The following LAMA3 variants were observed in gnomAD, a reference collection of about 807,000 sequenced individuals.
LAMA3 encodes laminin subunit alpha-3.
In LAMA3, 281 loss-of-function variants were observed where a neutral mutation model predicts 402.0. The observed-to-expected ratio is 0.70, with a 90% CI of 0.63 to 0.77. The LOEUF (loss-of-function observed/expected upper bound fraction) is 0.77. Ranked by LOEUF, LAMA3 falls within the 30% of genes least tolerant of loss-of-function variation. The probability of loss-of-function intolerance (pLI) is 0.00; values close to 1 mark genes in which losing one functional copy is unlikely to be tolerated. For synonymous variants in LAMA3, 1,431 were observed against 1,558.4 expected (o/e 0.92, Z 1.93); for missense variants, 3,840 against 4,215.5 (o/e 0.91, Z 2.47).
intron 61 of LAMA3, 37 bp downstream of exon 61, chr18:23,921,091 T>C (rs752500932): frequency 6.2e-7 from 1 of 1,610,360 alleles, no homozygotes; most frequent in South Asian, 1.1e-5. Context: ...AATCGTTAAA[T>C]GTCCTTAGTC....
chr18:23,837,797 CT>C (rs2063617367), intron 25 of LAMA3, among the ~76,000 whole-genome samples: 1 of 151,978 alleles, frequency 6.6e-6, no homozygotes, highest in East Asian at 1.9e-4. Context: ...ACTGCTGATA[CT>C]ACGCATGCAT....
intron 23 of LAMA3, among the ~76,000 whole-genome samples, chr18:23,833,201 T>G (rs1398744550): frequency 2.0e-5 from 3 of 152,210 alleles, no homozygotes; most frequent in Admixed American, 6.5e-5. Context: ...TCTGTCATCA[T>G]AGCACAAAGA....
At chr18:23,863,452 C>T (rs2064275429) in intron 35 of LAMA3, among the ~76,000 whole-genome samples, 3 of 151,950 alleles carry the variant, frequency 2.0e-5, no homozygotes, top group Admixed American at 1.3e-4. Flanking sequence ...CTCAACAAAA[C>T]AAAACAAAAA....
chr18:23,770,747 C>T (rs1395935201), intron 8 of LAMA3, among the ~76,000 whole-genome samples: 2 of 151,962 alleles, frequency 1.3e-5, no homozygotes, highest in African/African-American at 2.4e-5. Context: ...GGCGACAGAG[C>T]GAGACTCTGT....
intron 18 of LAMA3, among the ~76,000 whole-genome samples, chr18:23,817,448 A>G (rs2063198079): frequency 6.6e-6 from 1 of 152,174 alleles, no homozygotes; most frequent in Non-Finnish European, 1.5e-5. Context: ...TTTGAATTCT[A>G]AAAGTCAGAG....
In LAMA3 at chr18:23,872,854, G is replaced by A. The variant is rs2064568776; in HGVS notation, c.4998+1193G>A. On this transcript the variant is annotated intron_variant, in intron 38 of 74. Transcript: ENST00000313654. ...CACCTCACAGGAATTACAGAGCGGT[G>A]CGCTTACCTGCGGGACTGTTATGTG... 4.8e-6 allele frequency: 3 copies of A among 629,180 alleles called. No individual in the cohort carries two copies. The East Asian group carries it at 8.4e-5, about 18-fold the overall frequency. 39.0% of individuals were successfully genotyped at this position (629,180 alleles called of 1,614,324 possible).
intron 1 of LAMA3, among the ~76,000 whole-genome samples, chr18:23,711,920 G>T (rs540333025): frequency 3.4e-4 from 52 of 152,252 alleles, no homozygotes; most frequent in African/African-American, 1.2e-3. Flanking sequence ...TTCCCATTTT[G>T]GGGAGAGATT....
chr18:23,903,823 A>G (rs2081151629), intron 49 of LAMA3, 110 bp from the exon 50 acceptor site: 2 of 895,938 alleles, frequency 2.2e-6, no homozygotes, highest in South Asian at 1.4e-5. Context: ...TAGAAAATAT[A>G]ACATCTCATT....
intron 60 of LAMA3, among the ~76,000 whole-genome samples, chr18:23,917,270 T>C (rs2081665270): frequency 6.6e-6 from 1 of 152,184 alleles, no homozygotes; most frequent in Non-Finnish European, 1.5e-5. Flanking sequence ...CAGTTTACCA[T>C]TTATGGGCAT....
chr18:23,944,860 C>A (rs144113841), intron 69 of LAMA3, among the ~76,000 whole-genome samples: 29 of 152,334 alleles, frequency 1.9e-4, no homozygotes, highest in African/African-American at 6.7e-4. Context: ...CTTGGCCAGG[C>A]GCGGTGGCTC....
At chr18:23,710,283 GC>G in intron 1 of LAMA3, 1 of 525,418 alleles carries the variant, frequency 1.9e-6, no homozygotes, top group Non-Finnish European at 3.4e-6. Context: ...CGCCTTCGGC[GC>G]CATCTTGTGA....
intron 1 of LAMA3, among the ~76,000 whole-genome samples, chr18:23,696,260 A>G (rs1054986927): frequency 2.0e-5 from 3 of 152,224 alleles, no homozygotes; most frequent in African/African-American, 7.2e-5. Flanking sequence ...AGGACTTAGC[A>G]TTTACTGTAT....
intron 2 of LAMA3, among the ~76,000 whole-genome samples, chr18:23,741,063 C>T (rs1358205218): frequency 1.3e-5 from 2 of 152,044 alleles, no homozygotes. Flanking sequence ...ACGCCATTCT[C>T]CTGCCTCAGC....
intron 68 of LAMA3, among the ~76,000 whole-genome samples, chr18:23,942,185 A>G (rs1444612665): frequency 6.6e-6 from 1 of 152,164 alleles, no homozygotes; most frequent in Non-Finnish European, 1.5e-5. Flanking sequence ...TTCAGTAACT[A>G]TTTATCGAGT....
intron 7 of LAMA3, among the ~76,000 whole-genome samples, chr18:23,762,476 C>T (rs1444710906): frequency 2.0e-5 from 3 of 151,462 alleles, no homozygotes; most frequent in Non-Finnish European, 4.4e-5. Flanking sequence ...GTAGTCCCAG[C>T]TACTTGGGAG....
intron 21 of LAMA3, among the ~76,000 whole-genome samples, chr18:23,825,961 C>T (rs999075180): frequency 3.3e-5 from 5 of 152,126 alleles, no homozygotes; most frequent in Non-Finnish European, 7.3e-5. Flanking sequence ...TACTGAGTCC[C>T]CTCAGCCACA....
At chr18:23,853,930 C>A (rs558968838) in intron 32 of LAMA3, among the ~76,000 whole-genome samples, 1 of 152,218 alleles carries the variant, frequency 6.6e-6, no homozygotes, top group South Asian at 2.1e-4. Flanking sequence ...ATTGTCCTGG[C>A]AACACCAAAA....
Position 23,864,825 on chromosome 18 carries a change from C to T in LAMA3, c.4625C>T (p.Ser1542Phe). The change falls in exon 36 of 75, where the codon TCC (serine) becomes TTC (phenylalanine). Residue 1542 changes from serine (S) to phenylalanine (F), a missense_variant. By Grantham distance (155) the Ser-to-Phe change is radical. Around this residue, in one of 3 missense-constraint regions of LAMA3, gnomAD observed 2,109 missense variants for 2,376.0 expected, o/e 0.89. Coordinates refer to ENST00000313654, the MANE Select transcript of LAMA3 (RefSeq NM_198129.4). The stretch of plus-strand genomic sequence containing the variant: ...GGTTACCTCACTTACCAAGCCAAGT[C>T]CTTTGGCTTGCCTGGCGACATGGTT... ...YGGYLTYQAK[S>F]FGLPGDMVLL... 1 of 1,613,536 alleles carries T rather than the reference C, an allele frequency of 6.2e-7. No individual in the cohort carries two copies. Among genetic ancestry groups the T allele is most frequent in the African/African-American group, 1.3e-5 (1 of 75,030 alleles).
chr18:23,826,830 C>T lies in LAMA3; in HGVS notation c.2669+31C>T, dbSNP rs1267348244. ...TGTGGGGCAGAAGGTGCAGCCGCAT[C>T]ATTGGGGTCCTCTAAATTAGGAGCC... is the stretch of plus-strand genomic sequence containing the variant. On this transcript the variant is annotated intron_variant, in intron 22 of 74. Transcript: ENST00000313654. 5 of 1,340,592 alleles carry T rather than the reference C, an allele frequency of 3.7e-6. No homozygotes were observed. In the East Asian group the frequency reaches 7.5e-5, roughly 20 times the overall value. The allele number at this position is 1,340,592 out of a possible 1,614,324, so 83.0% of individuals were successfully genotyped here. A position where few individuals can be genotyped will look rare whatever the true frequency, so the allele number is the denominator to read the frequency against.
Sources: gnomAD v4.1 joint callset for allele counts (sites outside exome capture counted in the v4.1 genomes callset) on GRCh38, gnomAD v4.1.1 for gene constraint, gnomAD v4.1.1 regional missense constraint, MANE v1.5 for transcripts, NCBI Gene and HGNC (gene_info 2026-07-23, HGNC 2026-07-21) for gene names.